Variants in PRP4K observed in about 807,000 individuals in gnomAD.
PRP4K encodes pre-mRNA processing factor kinase PRP4K.
At chr6:4,052,108 A>T in the PRP4K span, 4 of 1,546,222 alleles carry the variant, frequency 2.6e-6, no homozygotes, top group African/African-American at 5.6e-5. Flanking sequence ...CAATGTCAAA[A>T]CGTGTGCATT....
the PRP4K span, among the ~76,000 whole-genome samples, chr6:4,022,300 AAATGAAAAAAAAAAAAATACG>A: frequency 7.4e-6 from 1 of 135,098 alleles, no homozygotes; most frequent in African/African-American, 3.2e-5. Flanking sequence ...GCCAAATGAA[AAATGAAAAAAAAAAAAATACG>A]AGTGTATGCT....
the PRP4K span, chr6:4,057,211 T>C: frequency 1.2e-6 from 2 of 1,600,438 alleles, no homozygotes; most frequent in Non-Finnish European, 1.7e-6. Context: ...ATGAGCTTCT[T>C]TAAGGTCTTA....
the PRP4K span, among the ~76,000 whole-genome samples, chr6:4,029,012 C>CTTTTTTTTTTTTTTTTTTTTTTTTTTT: frequency 7.5e-6 from 1 of 132,480 alleles, no homozygotes. Flanking sequence ...TACTTGGAAT[C>CTTTTTTTTTTTTTTTTTTTTTTTTTTT]TTTTTTTTTT....
At chr6:4,041,376 G>A in the PRP4K span, among the ~76,000 whole-genome samples, 1 of 151,982 alleles carries the variant, frequency 6.6e-6, no homozygotes, top group African/African-American at 2.4e-5. Flanking sequence ...ATACAATTGT[G>A]GGGACATTTT....
At chr6:4,021,372 C>G in the PRP4K span, 2 of 1,553,906 alleles carry the variant, frequency 1.3e-6, no homozygotes, top group East Asian at 4.8e-5. Flanking sequence ...CTTCCCCTAC[C>G]CTCCACCGTC....
chr6:4,031,660 A>G, the PRP4K span: 7 of 1,606,458 alleles, frequency 4.4e-6, no homozygotes, highest in East Asian at 2.2e-5. Context: ...AAAAAGAAGC[A>G]TAAACACAGA....
the PRP4K span, chr6:4,021,610 A>G: frequency 4.2e-6 from 5 of 1,183,470 alleles, no homozygotes; most frequent in South Asian, 4.2e-5. Flanking sequence ...GGTGGGAGGC[A>G]TGGGGAGCAG....
the PRP4K span, chr6:4,041,012 TA>T: frequency 7.5e-7 from 1 of 1,339,596 alleles, no homozygotes; most frequent in Non-Finnish European, 1.0e-6. Flanking sequence ...AATATCCACC[TA>T]AATATTATAA....
At chr6:4,043,708 T>C in the PRP4K span, 4 of 1,021,720 alleles carry the variant, frequency 3.9e-6, no homozygotes, top group Non-Finnish European at 5.8e-6. Flanking sequence ...TGTTACATTA[T>C]TTGATACGTT....
At chr6:4,035,623 TCTGTATA>T in the PRP4K span, among the ~76,000 whole-genome samples, 1 of 152,128 alleles carries the variant, frequency 6.6e-6, no homozygotes, top group African/African-American at 2.4e-5. Context: ...ATTCTTGGGT[TCTGTATA>T]CCGTGCTGAA....
the PRP4K span, chr6:4,057,156 C>G: frequency 1.2e-6 from 2 of 1,612,484 alleles, no homozygotes; most frequent in South Asian, 2.2e-5. Flanking sequence ...CTGAAGCTTG[C>G]AATGGATCTC....
chr6:4,060,302 G>T, the PRP4K span: 3 of 930,542 alleles, frequency 3.2e-6, no homozygotes, highest in African/African-American at 1.7e-5. This position sits in a 1 kb window ranked among gnomAD's most constrained non-coding sequence, Gnocchi z 4.7. Flanking sequence ...TATATATTTT[G>T]TATGTATATG....
chr6:4,027,602 G>C, the PRP4K span, among the ~76,000 whole-genome samples: 5 of 122,894 alleles, frequency 4.1e-5, no homozygotes, highest in Admixed American at 3.2e-4. Context: ...CGGAGGGGTG[G>C]GGGGGTGGGG....
chr6:4,026,348 G>T, the PRP4K span, among the ~76,000 whole-genome samples: 2 of 140,312 alleles, frequency 1.4e-5, no homozygotes, highest in Non-Finnish European at 3.0e-5. Context: ...TGCCACCCAG[G>T]CTGGAGTGCA....
At chr6:4,043,788 A>G in the PRP4K span, 1 of 1,602,100 alleles carries the variant, frequency 6.2e-7, no homozygotes, top group African/African-American at 1.3e-5. Context: ...TTATGAAAGT[A>G]TTATCTTCTG....
the PRP4K span, chr6:4,052,958 G>A: frequency 1.8e-5 from 23 of 1,253,244 alleles, no homozygotes; most frequent in African/African-American, 1.1e-4. Flanking sequence ...TATGAGAAAC[G>A]ACATCTTAGA....
the PRP4K span, among the ~76,000 whole-genome samples, chr6:4,038,746 C>T: frequency 6.6e-6 from 1 of 152,122 alleles, no homozygotes; most frequent in Non-Finnish European, 1.5e-5. Context: ...CTTCTTGCTC[C>T]AAGCTGATCT....
At chr6:4,053,660 C>G in the PRP4K span, among the ~76,000 whole-genome samples, 4 of 152,162 alleles carry the variant, frequency 2.6e-5, no homozygotes, top group Admixed American at 6.5e-5. Flanking sequence ...CTCCCTGGCC[C>G]CATTACTTTA....
At chr6:4,030,163 G>A in the PRP4K span, among the ~76,000 whole-genome samples, 36 of 152,086 alleles carry the variant, frequency 2.4e-4, no homozygotes, top group African/African-American at 8.7e-4. Context: ...GGCTGGTCTT[G>A]AACTCCTGAC....
Sources: allele counts gnomAD v4.1 joint callset (sites outside exome capture counted in the v4.1 genomes callset), GRCh38; gene constraint gnomAD v4.1.1; non-coding constraint Gnocchi (gnomAD v3.1); transcripts MANE v1.5; gene names NCBI Gene and HGNC (gene_info 2026-07-23, HGNC 2026-07-21).